Variants in TARS2 observed in about 807,000 individuals in gnomAD.
TARS2 encodes threonine--tRNA ligase, mitochondrial.
Under a neutral mutation model 94.4 loss-of-function variants are expected in TARS2, and 61 were observed. The ratio of observed to expected loss-of-function variants is 0.65; its 90% CI spans 0.53 to 0.80. The LOEUF is 0.80. Ranked by LOEUF, TARS2 falls within the 30% of genes least tolerant of loss-of-function variation. The pLI, the probability that TARS2 is intolerant of heterozygous loss-of-function variation, is 0.00. For missense variants in TARS2, 704 were observed against 902.5 expected (o/e 0.78, Z 2.82); for synonymous variants, 359 against 353.4 (o/e 1.02, Z -0.18).
intron 17 of TARS2, 25 bp from the exon 18 acceptor site, chr1:150,506,891 G>T: frequency 6.2e-7 from 1 of 1,613,078 alleles, no homozygotes; most frequent in Non-Finnish European, 8.5e-7. Flanking sequence ...TTGCCCTGAG[G>T]TTCCCAAACT....
rs587740298 is a variant in TARS2, at chr1:150,494,712, T to C, written c.775-1770T>C. Among the ~76,000 whole-genome samples the C allele has an allele frequency of 1.3e-4, 19 of 151,930 alleles. No homozygotes were observed. In the East Asian group the frequency reaches 3.7e-3, roughly 30 times the overall value. ...AAGATTGCACCACTGCACTCCAGCCTGGGCAACAGAGTGAGACTCTGTTTC... is the reference window on the plus strand; with the variant it reads ...AAGATTGCACCACTGCACTCCAGCCCGGGCAACAGAGTGAGACTCTGTTTC... On this transcript the variant is annotated intron_variant, in intron 7 of 17. Transcript: ENST00000369064.
intron 2 of TARS2, chr1:150,488,359 T>A (rs966539315): frequency 1.2e-5 from 3 of 258,504 alleles, no homozygotes; most frequent in African/African-American, 6.6e-5. Context: ...TCTGTATTAG[T>A]TTCTGCATCA....
intron 6 of TARS2, 94 bp from the exon 7 acceptor site, chr1:150,492,316 CT>C (rs1669432518): frequency 1.7e-5 from 22 of 1,313,008 alleles, no homozygotes; most frequent in Non-Finnish European, 2.4e-5. Flanking sequence ...CAGTTCCTTT[CT>C]CTTCACCTCT....
chr1:150,490,148 TCA>T (rs1315068829), intron 3 of TARS2, among the ~76,000 whole-genome samples: 2 of 124,706 alleles, frequency 1.6e-5, no homozygotes, highest in African/African-American at 6.3e-5. Context: ...AGATGGAGTC[TCA>T]CTCTGTCACC....
chr1:150,498,389 G>A (rs1669763116), intron 10 of TARS2, 113 bp from the exon 11 acceptor site: 2 of 1,319,860 alleles, frequency 1.5e-6, no homozygotes, highest in Non-Finnish European at 1.0e-6. Context: ...GCTGAGGCTG[G>A]AGAGGGTTAT....
At chr1:150,504,308 T>C in intron 13 of TARS2, 27 bp from the exon 14 acceptor site, 1 of 1,611,764 alleles carries the variant, frequency 6.2e-7, no homozygotes, top group Non-Finnish European at 8.5e-7. Flanking sequence ...CTGGCTTATC[T>C]CGTGCCTTCC....
At chr1:150,493,805 G>A (rs1669515129) in intron 7 of TARS2, among the ~76,000 whole-genome samples, 1 of 151,612 alleles carries the variant, frequency 6.6e-6, no homozygotes, top group Non-Finnish European at 1.5e-5. Flanking sequence ...AGAGTTACTA[G>A]ATGGAATGGG....
At position 150,504,983 on chromosome 1, in the gene TARS2, G is replaced by T; in HGVS notation, c.1893+5G>T. 6.2e-7 allele frequency: 1 copy of T among 1,614,094 alleles called. No individual in the cohort carries two copies. Among genetic ancestry groups the T allele is most frequent in the Non-Finnish European group, 8.5e-7 (1 of 1,180,018 alleles). ...CAAGAGGAATACGCCAAAGAGGTAA[G>T]GAGTTGAGGTAAGGGAGGGGGCAGA... On this transcript the variant is annotated splice_donor_5th_base_variant and intron_variant, in intron 16 of 17. Coordinates refer to ENST00000369064, the MANE Select transcript of TARS2 (RefSeq NM_025150.5).
At position 150,496,887 on chromosome 1, in the gene TARS2, T is replaced by C. The variant is rs1669686227; in HGVS notation, c.999T>C (p.Asn333=). 2.5e-6 allele frequency: 4 copies of C among 1,613,940 alleles called. No homozygotes were observed. Among genetic ancestry groups the C allele is most frequent in the Middle Eastern group, 1.6e-4 (1 of 6,078 alleles). The change falls in exon 9 of 18, where the codon AAT becomes AAC. Residue 333 remains asparagine (N), a synonymous_variant. Transcript: ENST00000369064. ...TGCCACGAGGGACAAGGGTGTATAA[T>C]GCACTAGTGGCGTTTATCAGGGTAA... is the stretch of plus-strand genomic sequence containing the variant. ...FFLPRGTRVY[N]ALVAFIRAEY... is the part of the protein sequence containing the mutation.
chr1:150,491,773 G>A, intron 6 of TARS2, 111 bp downstream of exon 6: 3 of 1,178,234 alleles, frequency 2.5e-6, no homozygotes, highest in Non-Finnish European at 3.7e-6. Flanking sequence ...TCCAGAAAAA[G>A]AAATGGGAAT....
At position 150,488,155 on chromosome 1, in the gene TARS2, C is replaced by A; in HGVS notation, c.263+101C>A. The stretch of plus-strand genomic sequence containing the variant: ...AAACTTGGTCTGCTTGTTTCTGTTC[C>A]GTCCCCATTAAGATAGCCTTTCCTG... On this transcript the variant is annotated intron_variant, in intron 2 of 17. Transcript: ENST00000369064. 4.4e-6 allele frequency: 6 copies of A among 1,349,584 alleles called. No homozygotes were observed. The East Asian group carries it at 1.2e-4, about 27-fold the overall frequency. The allele number at this position is 1,349,584 out of a possible 1,614,324, so 83.6% of individuals were successfully genotyped here.
intron 7 of TARS2, among the ~76,000 whole-genome samples, chr1:150,494,263 A>T (rs1252116319): frequency 6.6e-6 from 1 of 151,572 alleles, no homozygotes; most frequent in Non-Finnish European, 1.5e-5. Flanking sequence ...GCTACAAAAA[A>T]GGCTGAGGCA....
intron 13 of TARS2, among the ~76,000 whole-genome samples, chr1:150,500,050 C>G (rs1669844259): frequency 6.6e-6 from 1 of 151,962 alleles, no homozygotes; most frequent in Non-Finnish European, 1.5e-5. Flanking sequence ...TAGCTTGTGC[C>G]TGTGGTCCCA....
At chr1:150,506,771 T>A in intron 17 of TARS2, 145 bp from the exon 18 acceptor site, 1 of 1,095,262 alleles carries the variant, frequency 9.1e-7, no homozygotes, top group Non-Finnish European at 1.3e-6. Context: ...CAGACACAGC[T>A]GAATACTTCC....
chr1:150,489,259 T>A, intron 3 of TARS2, 172 bp downstream of exon 3: 1 of 924,772 alleles, frequency 1.1e-6, no homozygotes, highest in Non-Finnish European at 1.7e-6. Context: ...TGAAAGTTTT[T>A]AACTTAGCTT....
At chr1:150,495,336 T>TAC (rs145397075) in intron 7 of TARS2, among the ~76,000 whole-genome samples, 40 of 150,544 alleles carry the variant, frequency 2.7e-4, no homozygotes, top group East Asian at 6.0e-4. Flanking sequence ...CAGATGTATA[T>TAC]ACACACACAC....
chr1:150,496,812 A>T lies in TARS2; in HGVS notation c.924A>T (p.Glu308Asp). 6.2e-7 allele frequency: 1 copy of T among 1,613,884 alleles called. No homozygotes were observed. Among genetic ancestry groups the T allele is most frequent in the Non-Finnish European group, 8.5e-7 (1 of 1,180,006 alleles). The change falls in exon 9 of 18, where the codon GAA (glutamate) becomes GAT (aspartate). Residue 308 changes from glutamate to aspartate, a missense_variant and splice_region_variant. Around this residue, in one of 3 missense-constraint regions of TARS2, gnomAD observed 466 missense variants for 609.5 expected, o/e 0.76. Coordinates refer to ENST00000369064, the MANE Select transcript of TARS2 (RefSeq NM_025150.5). ...AATATTGCTATTCCTGACCCCAGGAACAGGAGCTCTTCTTCTTCCATGAAC... is the reference window on the plus strand; with the variant it reads ...AATATTGCTATTCCTGACCCCAGGATCAGGAGCTCTTCTTCTTCCATGAAC... ...ELRDHRRIGK[E>D]QELFFFHELS...
chr1:150,504,937 G>A lies in TARS2; in HGVS notation c.1852G>A (p.Val618Ile). Residue 618 changes from valine to isoleucine, a missense_variant, in exon 16 of 18, where the codon GTC becomes ATC. By Grantham distance (29) the Val-to-Ile change is conservative. Transcript: ENST00000369064. The stretch of plus-strand genomic sequence containing the variant: ...GTGGCTGTCCCCGTTCCAGGTGGTG[G>A]TCATCCCTGTGGGGAGTGAGCAAGA... Reference protein sequence around the residue: ...PLWLSPFQVVVIPVGSEQEEY... With the variant: ...PLWLSPFQVVIIPVGSEQEEY... 1.2e-6 allele frequency: 2 copies of A among 1,614,202 alleles called. No individual in the cohort carries two copies. The highest frequency in any genetic ancestry group is 1.3e-5 in the African/African-American group (1 of 75,038).
intron 16 of TARS2, 34 bp downstream of exon 16, chr1:150,505,012 A>G (rs748130559): frequency 6.2e-7 from 1 of 1,610,582 alleles, no homozygotes; most frequent in Admixed American, 1.7e-5. Context: ...GGGCAGAAGC[A>G]GGTCCAGTAG....
Sources: allele counts gnomAD v4.1 joint callset (sites outside exome capture counted in the v4.1 genomes callset), GRCh38; gene constraint gnomAD v4.1.1; regional missense constraint gnomAD v4.1.1; transcripts MANE v1.5; gene names NCBI Gene and HGNC (gene_info 2026-07-23, HGNC 2026-07-21).